The following URGCP variants were observed in gnomAD, a reference collection of about 807,000 sequenced individuals.
The protein encoded by URGCP is up-regulator of cell proliferation.
URGCP carries 13 observed loss-of-function variants against 24.6 expected under a neutral mutation model. That is an observed-to-expected ratio of 0.53 (90% CI 0.34 to 0.84). The LOEUF (loss-of-function observed/expected upper bound fraction) is 0.84, where lower values mean the gene tolerates loss of function less well. URGCP is among the 40% of genes least tolerant of loss of function. The pLI is 0.01. For synonymous variants in URGCP, 444 were observed against 487.2 expected, an observed-to-expected ratio of 0.91 and a Z score of 1.17; for missense variants, 899 against 1,194.3, an observed-to-expected ratio of 0.75 and a Z score of 3.64.
Position 43,876,915 on chromosome 7 carries a change from C to T in URGCP, c.2548G>A (p.Ala850Thr), listed in dbSNP as rs1180618123. 6.2e-7 allele frequency: 1 copy of T among 1,614,062 alleles called. No individual in the cohort carries two copies. The highest frequency in any genetic ancestry group is 8.5e-7 in the Non-Finnish European group (1 of 1,180,014). ...CCGTCGCCCTGTTTCTCCATCTGGGCTGCAGCCCTGCTCAGGTCACCAGGT... is the reference window on the plus strand; with the variant it reads ...CCGTCGCCCTGTTTCTCCATCTGGGTTGCAGCCCTGCTCAGGTCACCAGGT... ...DPPGDLSRAA[A>T]QMEKQGDGFR... The change falls in exon 6 of 6, where the codon GCC becomes ACC. Residue 850 changes from alanine to threonine, a missense_variant. Ala to Thr is a moderately conservative substitution (Grantham distance 58, BLOSUM62 0). Transcript: ENST00000453200.
chr7:43,888,037 TACAG>T, intron 1 of URGCP: 1 of 534,254 alleles, frequency 1.9e-6, no homozygotes. Flanking sequence ...AAAGTCAGGC[TACAG>T]AAAAGTATGC....
chr7:43,882,016 T>C, intron 3 of URGCP, 59 bp from the exon 4 acceptor site: 1 of 1,610,372 alleles, frequency 6.2e-7, no homozygotes, highest in African/African-American at 1.3e-5. Context: ...AACCTTTCTG[T>C]CAAAAATTTC....
rs2095846411 is a variant in URGCP, at chr7:43,877,389, G to A, written c.2074C>T (p.Leu692=). The change falls in exon 6 of 6, where the codon CTG becomes TTG. Residue 692 remains leucine, a synonymous_variant. Coordinates refer to ENST00000453200, the MANE Select transcript of URGCP (RefSeq NM_001077663.3). The stretch of plus-strand genomic sequence containing the variant: ...ACCCCGACGGTTGACAGAACCACCA[G>A]CCTTGACCGTCTCTCCAGTCGGACG... ...LHVRLERRSR[L]VVLSTVGVPG... is the part of the protein sequence containing the mutation. The A allele has an allele frequency of 6.2e-7, 1 of 1,613,122 alleles. No individual in the cohort carries two copies. The highest frequency in any genetic ancestry group is 8.5e-7 in the Non-Finnish European group (1 of 1,180,020).
chr7:43,906,417 C>G, intron 1 of URGCP, 145 bp downstream of exon 1: 1 of 916,262 alleles, frequency 1.1e-6, no homozygotes, highest in East Asian at 1.0e-4. Flanking sequence ...GGGCCGTGGG[C>G]CTGGTGGGCC....
chr7:43,911,299 G>A (rs2095909840), upstream of URGCP, among the ~76,000 whole-genome samples: 1 of 152,092 alleles, frequency 6.6e-6, no homozygotes, highest in African/African-American at 2.4e-5. Flanking sequence ...TACTCGGGAA[G>A]CTGAGGCAGG....
In URGCP at chr7:43,878,439, C is replaced by T. The variant is rs369567833; in HGVS notation, c.1024G>A (p.Gly342Arg). 6.2e-7 allele frequency: 1 copy of T among 1,614,156 alleles called. No homozygotes were observed. Residue 342 changes from glycine (G) to arginine (R), a missense_variant, in exon 6 of 6, where the codon GGG (glycine) becomes AGG (arginine). Physicochemically the swap from Gly to Arg is moderately radical, Grantham distance 125 (BLOSUM62 -2). Coordinates refer to ENST00000453200, the MANE Select transcript of URGCP (RefSeq NM_001077663.3). This position sits in a 1 kb window ranked among gnomAD's most constrained non-coding sequence, Gnocchi z 5.6. ...VAFLNLRGDI[G>R]SHWLQFKLLT... ...AGCTTAAACTGCAGCCAGTGAGACC[C>T]GATGTCACCTCTCAGGTTCAGAAAG...
At chr7:43,898,627 C>G (rs1267261586) in intron 1 of URGCP, among the ~76,000 whole-genome samples, 1 of 151,860 alleles carries the variant, frequency 6.6e-6, no homozygotes, top group Non-Finnish European at 1.5e-5. Flanking sequence ...TTAACTGGGT[C>G]CAGGAGCATG....
intron 3 of URGCP, among the ~76,000 whole-genome samples, chr7:43,885,127 G>A (rs757714767): frequency 3.8e-4 from 57 of 148,082 alleles, no homozygotes; most frequent in South Asian, 6.4e-4. Flanking sequence ...TTTAAAGACA[G>A]TCTTGCTCTG....
In URGCP at chr7:43,913,679, C is replaced by T. The variant is rs975347873; in HGVS notation, c.-116+12453G>A. Among the ~76,000 whole-genome samples the T allele has an allele frequency of 2.0e-4, 31 of 151,928 alleles. 1 individual carries two copies. Among genetic ancestry groups the T allele is most frequent in the Admixed American group, 1.5e-3 (23 of 15,262 alleles). ...TTCAAGATTCTCTGTTTTTGGCTTT[C>T]GAAAGTTTTATTTTATTTCATTTAT... On this transcript the variant is annotated intron_variant, in intron 1 of 5. Transcript: ENST00000426198.
At chr7:43,913,030 T>C (rs915191615) in intron 1 of URGCP, among the ~76,000 whole-genome samples, 1 of 152,014 alleles carries the variant, frequency 6.6e-6, no homozygotes, top group Non-Finnish European at 1.5e-5. Flanking sequence ...TTTATATTTT[T>C]AGTAGAGACA....
intron 1 of URGCP, among the ~76,000 whole-genome samples, chr7:43,903,973 G>T (rs912791267): frequency 2.0e-5 from 3 of 152,182 alleles, no homozygotes; most frequent in African/African-American, 7.2e-5. Flanking sequence ...CAAGCAAGGG[G>T]CAAAGACAAG....
Position 43,876,298 on chromosome 7 carries a change from C to A in URGCP, c.*369G>T. The A allele has an allele frequency of 4.5e-6, 1 of 222,632 alleles. No homozygotes were observed. The highest frequency in any genetic ancestry group is 8.1e-5 in the South Asian group (1 of 12,388). The allele number at this position is 222,632 out of a possible 1,614,324, so 13.8% of individuals were successfully genotyped here. On this transcript the variant is annotated 3_prime_UTR_variant, in exon 6 of 6. Transcript: ENST00000453200. ...CAACTTCCCCACCTCTGTCCTGGGACCACCTGCCCGCCTGGGCCTGCAGTG... is the reference window on the plus strand; with the variant it reads ...CAACTTCCCCACCTCTGTCCTGGGAACACCTGCCCGCCTGGGCCTGCAGTG...
intron 1 of URGCP, among the ~76,000 whole-genome samples, chr7:43,920,957 C>T (rs2095921727): frequency 6.6e-6 from 1 of 152,138 alleles, no homozygotes; most frequent in Non-Finnish European, 1.5e-5. Flanking sequence ...GATTGGTGAA[C>T]AGAAAATCTT....
intron 1 of URGCP, among the ~76,000 whole-genome samples, chr7:43,899,694 C>T (rs778572794): frequency 4.6e-5 from 7 of 152,042 alleles, no homozygotes; most frequent in Non-Finnish European, 1.0e-4. Flanking sequence ...TGATCTAGGT[C>T]GCTTTGAGTA....
intron 1 of URGCP, among the ~76,000 whole-genome samples, chr7:43,923,530 C>T (rs1204116727): frequency 1.3e-5 from 2 of 152,160 alleles, no homozygotes; most frequent in Non-Finnish European, 2.9e-5. Context: ...TCGAGCAATC[C>T]TCCAACCTCA....
upstream of URGCP, chr7:43,926,495 C>A: frequency 2.0e-6 from 3 of 1,488,126 alleles, no homozygotes; most frequent in Non-Finnish European, 2.7e-6. Context: ...CTCAGGCAGC[C>A]CCGGCCGGGC....
At chr7:43,919,725 T>C (rs1234781743) in intron 1 of URGCP, 4 of 1,378,572 alleles carry the variant, frequency 2.9e-6, no homozygotes, top group Admixed American at 1.7e-5. Flanking sequence ...GATCCGGGAA[T>C]GGAAGTTGGC....
upstream of URGCP, among the ~76,000 whole-genome samples, chr7:43,907,880 A>G (rs928053472): frequency 1.3e-5 from 2 of 152,206 alleles, no homozygotes; most frequent in African/African-American, 4.8e-5. Flanking sequence ...AAAGAAATTC[A>G]TAACTGCTAC....
At chr7:43,881,474 G>T (rs1036216323) in intron 5 of URGCP, among the ~76,000 whole-genome samples, 185 bp downstream of exon 5, 5 of 127,322 alleles carry the variant, frequency 3.9e-5, no homozygotes, top group African/African-American at 8.9e-5. Context: ...GCTTCCCAGG[G>T]TTTTTTTTTT....
Sources: allele counts gnomAD v4.1 joint callset (sites outside exome capture counted in the v4.1 genomes callset), GRCh38; gene constraint gnomAD v4.1.1; non-coding constraint Gnocchi (gnomAD v3.1); transcripts MANE v1.5; gene names NCBI Gene and HGNC (gene_info 2026-07-23, HGNC 2026-07-21).